TRIOBP: variants seen among roughly 807,000 people sequenced by gnomAD.
TRIOBP encodes TRIO and F-actin binding protein, also known as TRIO and F-actin-binding protein.
In TRIOBP, 169 loss-of-function variants were observed where a neutral mutation model predicts 238.8. The observed-to-expected ratio is 0.71, with a 90% CI of 0.62 to 0.80. The LOEUF is 0.80. TRIOBP is among the 30% of genes least tolerant of loss of function. TRIOBP has a pLI of 0.00. For synonymous variants in TRIOBP, 1,150 were observed against 1,274.4 expected (o/e 0.90, Z 2.08); for missense variants, 2,838 against 3,122.6 (o/e 0.91, Z 2.17).
chr22:37,736,045 C>T (rs1015872726), intron 9 of TRIOBP, among the ~76,000 whole-genome samples: 3 of 152,256 alleles, frequency 2.0e-5, no homozygotes, highest in Non-Finnish European at 4.4e-5. Context: ...CATCAATGCT[C>T]ACTGGGTTCA....
In TRIOBP at chr22:37,759,223, T is replaced by C. The variant is rs369453731; in HGVS notation, c.6283T>C (p.Ser2095Pro). Residue 2095 changes from serine (S) to proline (P), a missense_variant, in exon 17 of 24, where the codon TCC becomes CCC. Ser to Pro is a moderately conservative substitution (Grantham distance 74). This residue lies in a region of TRIOBP where 2,096 missense variants were observed against 2,137.4 expected (regional missense o/e 0.98). Coordinates refer to ENST00000644935, the MANE Select transcript of TRIOBP (RefSeq NM_001039141.3). ...GGAGGCTCCTCAGAGTGCACTGAGA[T>C]CCCAGGAGGATGGCCACATCCCCCC... Reference protein sequence around the residue: ...QGEAPQSALRSQEDGHIPPGY... With the variant: ...QGEAPQSALRPQEDGHIPPGY... 121 of 1,613,026 alleles carry C rather than the reference T, an allele frequency of 7.5e-5. 1 individual carries two copies. The South Asian group carries it at 1.2e-3, about 16-fold the overall frequency.
At chr22:37,707,061 A>G (rs1383742853) in intron 3 of TRIOBP, among the ~76,000 whole-genome samples, 2 of 152,134 alleles carry the variant, frequency 1.3e-5, no homozygotes, top group African/African-American at 4.8e-5. Context: ...TGAGGTCAGG[A>G]GTTTGAGACC....
intron 6 of TRIOBP, 22 bp downstream of exon 6, chr22:37,715,956 G>A (rs1369484881): frequency 8.1e-6 from 13 of 1,611,624 alleles, no homozygotes; most frequent in Non-Finnish European, 1.1e-5. Context: ...TGCCAGGTTG[G>A]TTCCCATGGT....
chr22:37,766,110 C>T lies in TRIOBP; in HGVS notation c.6472+293C>T, dbSNP rs73411527. Among the ~76,000 whole-genome samples the T allele has an allele frequency of 3.0e-3, 450 of 152,300 alleles. 3 individuals are homozygous for T. Among genetic ancestry groups the T allele is most frequent in the African/African-American group, 0.01 (435 of 41,560 alleles). On this transcript the variant is annotated intron_variant, in intron 18 of 23. Coordinates refer to ENST00000644935, the MANE Select transcript of TRIOBP (RefSeq NM_001039141.3). ...CCACCATAGAGTCTGCCTAAAGGCACATGCTACCCACGTGCGTGGGGGAGA... is the reference window on the plus strand; with the variant it reads ...CCACCATAGAGTCTGCCTAAAGGCATATGCTACCCACGTGCGTGGGGGAGA...
chr22:37,737,050 G>A (rs1446854898), intron 9 of TRIOBP, among the ~76,000 whole-genome samples: 1 of 152,188 alleles, frequency 6.6e-6, no homozygotes, highest in Non-Finnish European at 1.5e-5. Context: ...TCAATGCGTG[G>A]ACATCAGAGA....
chr22:37,713,191 G>T lies in TRIOBP; in HGVS notation c.255-19G>T. 6.2e-7 allele frequency: 1 copy of T among 1,606,876 alleles called. No individual in the cohort carries two copies. Among genetic ancestry groups the T allele is most frequent in the Middle Eastern group, 1.7e-4 (1 of 5,966 alleles). Reference sequence around the variant, plus strand: ...GCTCCTAACTCCCCATTACTTTTTGGGTCTGTCTCCTCTCCCAGGGGCCCA... The same window carrying T: ...GCTCCTAACTCCCCATTACTTTTTGTGTCTGTCTCCTCTCCCAGGGGCCCA... On this transcript the variant is annotated intron_variant, in intron 4 of 23. Coordinates refer to ENST00000644935, the MANE Select transcript of TRIOBP (RefSeq NM_001039141.3).
In TRIOBP at chr22:37,715,818, C is replaced by T; in HGVS notation, c.512C>T (p.Ala171Val). ...GAGGCCCCCAGCTGGGACGAGCTCG[C>T]AGTGATGATCCCGAGGAGGCCTCGG... ...EEEAPSWDEL[A>V]VMIPRRPREG... The change falls in exon 6 of 24, where the codon GCA becomes GTA. Residue 171 changes from alanine to valine, a missense_variant. By Grantham distance (64) the Ala-to-Val change is moderately conservative (BLOSUM62 0). This residue lies in a region of TRIOBP where 535 missense variants were observed against 537.3 expected (regional missense o/e 1.00). Coordinates refer to ENST00000644935, the MANE Select transcript of TRIOBP (RefSeq NM_001039141.3). The T allele has an allele frequency of 6.2e-7, 1 of 1,614,120 alleles. No homozygotes were observed. Among genetic ancestry groups the T allele is most frequent in the Non-Finnish European group, 8.5e-7 (1 of 1,180,002 alleles).
intron 9 of TRIOBP, among the ~76,000 whole-genome samples, chr22:37,736,519 G>C (rs1924679501): frequency 6.6e-6 from 1 of 152,202 alleles, no homozygotes; most frequent in Admixed American, 6.5e-5. Flanking sequence ...TTGACAGATG[G>C]GGAAACTGAG....
In TRIOBP at chr22:37,769,320, A is replaced by G. The variant is rs1926654189; in HGVS notation, c.6794A>G (p.Gln2265Arg). ...CAGCTGCGCGGCTTCATTGCCTCGCAGGGCATGGGCAATGGCTGCGGGCGC... is the reference window on the plus strand; with the variant it reads ...CAGCTGCGCGGCTTCATTGCCTCGCGGGGCATGGGCAATGGCTGCGGGCGC... The part of the protein sequence containing the change: ...IDQLRGFIAS[Q>R]GMGNGCGRSN... The change falls in exon 21 of 24, where the codon CAG (glutamine) becomes CGG (arginine). Residue 2265 changes from glutamine to arginine, a missense_variant. By Grantham distance (43) the Gln-to-Arg change is conservative. This residue lies in a region of TRIOBP where 2,096 missense variants were observed against 2,137.4 expected (regional missense o/e 0.98). Transcript: ENST00000644935. 2 of 1,611,840 alleles carry G rather than the reference A, an allele frequency of 1.2e-6. No homozygotes were observed. Among genetic ancestry groups the G allele is most frequent in the African/African-American group, 1.3e-5 (1 of 74,916 alleles).
At chr22:37,763,604 A>AT (rs201264413) in intron 17 of TRIOBP, among the ~76,000 whole-genome samples, 3 of 152,022 alleles carry the variant, frequency 2.0e-5, no homozygotes, top group Non-Finnish European at 4.4e-5. Context: ...GACCTTAAAC[A>AT]TTTTTTTAAT....
chr22:37,735,239 G>A lies in TRIOBP; in HGVS notation c.4903G>A (p.Glu1635Lys), dbSNP rs956428499. Residue 1635 changes from glutamate (E) to lysine (K), a missense_variant, in exon 9 of 24, where the codon GAG (glutamate) becomes AAG (lysine). By Grantham distance (56) the Glu-to-Lys change is moderately conservative (BLOSUM62 1). Around this residue, in one of 5 missense-constraint regions of TRIOBP, gnomAD observed 2,096 missense variants for 2,137.4 expected, o/e 0.98. Coordinates refer to ENST00000644935, the MANE Select transcript of TRIOBP (RefSeq NM_001039141.3). ...ACACAGCCAGCCAGAAGGCTGGGCC[G>A]AGGCCACCCCAGTCAATGGACACAG... is the stretch of plus-strand genomic sequence containing the variant. The part of the protein sequence containing the change: ...ESHSQPEGWA[E>K]ATPVNGHSPA... 19 of 1,604,352 alleles carry A rather than the reference G, an allele frequency of 1.2e-5. No homozygotes were observed. The highest frequency in any genetic ancestry group is 6.7e-5 in the East Asian group (3 of 44,560).
chr22:37,746,319 G>A (rs2145855279), intron 11 of TRIOBP: 2 of 1,141,458 alleles, frequency 1.8e-6, no homozygotes, highest in Non-Finnish European at 1.1e-6. Flanking sequence ...GAGGGGCGGC[G>A]GCGGCGGCGG....
Position 37,724,724 on chromosome 22 carries a change from C to T in TRIOBP, c.2168C>T (p.Ser723Phe), listed in dbSNP as rs1924031941. 1 of 1,611,790 alleles carries T rather than the reference C, an allele frequency of 6.2e-7. No individual in the cohort carries two copies. Among genetic ancestry groups the T allele is most frequent in the Admixed American group, 1.7e-5 (1 of 59,864 alleles). The change falls in exon 7 of 24, where the codon TCC becomes TTC. Residue 723 changes from serine to phenylalanine, a missense_variant. Around this residue, in one of 5 missense-constraint regions of TRIOBP, gnomAD observed 167 missense variants for 200.2 expected, o/e 0.83. Transcript: ENST00000644935. ...RTTQQENPRTSCARRDNPRAS... is the reference protein window; with the variant it reads ...RTTQQENPRTFCARRDNPRAS... ...ACCCAACAAGAGAACCCCAGAACAT[C>T]CTGTGCCCGACGGGACAATCCCAGA...
At chr22:37,736,212 G>C (rs1294317110) in intron 9 of TRIOBP, among the ~76,000 whole-genome samples, 2 of 152,238 alleles carry the variant, frequency 1.3e-5, no homozygotes, top group Admixed American at 6.5e-5. Context: ...TGGGCAGGGA[G>C]GGTCTTGGAG....
intron 11 of TRIOBP, among the ~76,000 whole-genome samples, chr22:37,747,627 G>C (rs564470604): frequency 6.6e-6 from 1 of 152,206 alleles, no homozygotes; most frequent in Non-Finnish European, 1.5e-5. Flanking sequence ...GAAGGGATGT[G>C]GGGGGAGGAG....
At chr22:37,738,757 A>G (rs1924804037) in intron 10 of TRIOBP, 38 bp downstream of exon 10, 1 of 1,604,858 alleles carries the variant, frequency 6.2e-7, no homozygotes, top group Admixed American at 1.7e-5. Flanking sequence ...ACGGTGGGGA[A>G]GGGAGGGGGA....
intron 11 of TRIOBP, among the ~76,000 whole-genome samples, chr22:37,743,844 T>TGTGTGTGTGC (rs35321886): frequency 9.1e-5 from 10 of 110,292 alleles, no homozygotes; most frequent in South Asian, 3.1e-4. Context: ...TGTGTGTGTG[T>TGTGTGTGTGC]GCTGGGTGTG....
chr22:37,760,563 CAT>C (rs898631492), intron 17 of TRIOBP, among the ~76,000 whole-genome samples: 4 of 152,158 alleles, frequency 2.6e-5, no homozygotes, highest in Admixed American at 2.6e-4. Flanking sequence ...TTGTCTTTAA[CAT>C]AGTTAATTTA....
chr22:37,711,545 C>T lies in TRIOBP; in HGVS notation c.254+979C>T, dbSNP rs180739547. Among the ~76,000 whole-genome samples the T allele has an allele frequency of 6.5e-4, 94 of 144,186 alleles. 1 individual carries two copies. Among genetic ancestry groups the T allele is most frequent in the Non-Finnish European group, 1.2e-3 (81 of 66,892 alleles). The allele number at this position is 144,186 out of a possible 152,430, so 94.6% of individuals were successfully genotyped here. A position where few individuals can be genotyped will look rare whatever the true frequency, so the allele number is the denominator to read the frequency against. On this transcript the variant is annotated intron_variant, in intron 4 of 23. Coordinates refer to ENST00000644935, the MANE Select transcript of TRIOBP (RefSeq NM_001039141.3). ...AGTGAGTTGAGATCGTGCCATTACA[C>T]TCCAGCCTGGGTGACACAGCGAGGC... is the stretch of plus-strand genomic sequence containing the variant.
Sources: gnomAD v4.1 joint callset for allele counts (sites outside exome capture counted in the v4.1 genomes callset) on GRCh38, gnomAD v4.1.1 for gene constraint, gnomAD v4.1.1 regional missense constraint, MANE v1.5 for transcripts, NCBI Gene and HGNC (gene_info 2026-07-23, HGNC 2026-07-21) for gene names.